The following MREG variants were observed in gnomAD, a reference collection of about 807,000 sequenced individuals.
The protein encoded by MREG is melanoregulin.
In MREG, 31 loss-of-function variants were observed where a neutral mutation model predicts 28.5. The observed-to-expected ratio is 1.09, with a 90% CI of 0.82 to 1.47. The LOEUF is 1.47. Among genes scored for constraint, MREG ranks in the 40% most tolerant of loss-of-function variants. The pLI is 0.00. For synonymous variants in MREG, 106 were observed against 95.2 expected (o/e 1.11, Z -0.66); for missense variants, 256 against 257.4 (o/e 0.99, Z 0.04).
At chr2:215,992,249 A>G (rs1036897472) in intron 2 of MREG, among the ~76,000 whole-genome samples, 2 of 152,256 alleles carry the variant, frequency 1.3e-5, no homozygotes, top group African/African-American at 4.8e-5. Context: ...AACATATGCA[A>G]ATCAATAAAC....
At chr2:216,000,282 G>C (rs553384278) in intron 1 of MREG, among the ~76,000 whole-genome samples, 60 of 148,030 alleles carry the variant, frequency 4.1e-4, no homozygotes, top group Non-Finnish European at 6.8e-4. Context: ...TCCTGGGTGG[G>C]GATCTCGGAG....
chr2:215,984,445 G>C (rs538967193), intron 2 of MREG, among the ~76,000 whole-genome samples: 50 of 147,458 alleles, frequency 3.4e-4, no homozygotes, highest in African/African-American at 1.2e-3. Flanking sequence ...TGGAGCCCAG[G>C]AGGTCGAGGC....
At chr2:216,026,259 C>T (rs75279134) in intron 1 of MREG, among the ~76,000 whole-genome samples, 2 of 152,156 alleles carry the variant, frequency 1.3e-5, no homozygotes, top group Non-Finnish European at 2.9e-5. Flanking sequence ...ATGATGAAAA[C>T]GTTTTGAAAC....
At chr2:215,963,996 A>G (rs900476115) in intron 2 of MREG, among the ~76,000 whole-genome samples, 4 of 152,210 alleles carry the variant, frequency 2.6e-5, no homozygotes, top group Non-Finnish European at 5.9e-5. Flanking sequence ...TTTCACACCC[A>G]TAATCTCACT....
chr2:216,009,535 T>A (rs562832649), intron 1 of MREG, among the ~76,000 whole-genome samples: 1 of 152,252 alleles, frequency 6.6e-6, no homozygotes, highest in South Asian at 2.1e-4. Context: ...TACATGGCAG[T>A]AGGCTCCATG....
intron 1 of MREG, among the ~76,000 whole-genome samples, chr2:216,019,374 G>T (rs547838101): frequency 5.3e-5 from 8 of 152,214 alleles, no homozygotes; most frequent in African/African-American, 1.9e-4. Context: ...GATTTAGTCA[G>T]GTGAGATTTT....
chr2:216,013,217 C>T lies in MREG; in HGVS notation c.95+16G>A, dbSNP rs549057404. ...GCCCAGGTAAGCCCAGATCCCGGCC[C>T]GGGCGGCGCACCCACCTGACGAGGG... On this transcript the variant is annotated intron_variant, in intron 1 of 4. Coordinates refer to ENST00000263268, the MANE Select transcript of MREG (RefSeq NM_018000.3). 1.9e-4 allele frequency: 295 copies of T among 1,547,884 alleles called. No homozygotes were observed. Among genetic ancestry groups the T allele is most frequent in the Admixed American group, 4.1e-4 (21 of 50,976 alleles).
chr2:215,995,265 C>G (rs907706362), intron 2 of MREG, among the ~76,000 whole-genome samples: 3 of 152,154 alleles, frequency 2.0e-5, no homozygotes, highest in Non-Finnish European at 4.4e-5. Flanking sequence ...CCCAGTCCAC[C>G]CTTCCCCAGG....
chr2:216,024,600 G>T (rs1357517893), intron 1 of MREG, among the ~76,000 whole-genome samples: 2 of 152,122 alleles, frequency 1.3e-5, no homozygotes, highest in Non-Finnish European at 2.9e-5. Flanking sequence ...TTGGCTGGGT[G>T]TGGTGGCTCA....
chr2:215,995,467 C>T (rs781289309), intron 2 of MREG, among the ~76,000 whole-genome samples: 3 of 151,870 alleles, frequency 2.0e-5, no homozygotes, highest in Non-Finnish European at 2.9e-5. Flanking sequence ...AAAGAAACCT[C>T]GTTAAGGAAA....
intron 2 of MREG, among the ~76,000 whole-genome samples, chr2:215,952,408 A>G (rs936788784): frequency 2.6e-5 from 4 of 152,186 alleles, no homozygotes; most frequent in African/African-American, 4.8e-5. Context: ...TCACCACACA[A>G]TGTATATGTA....
chr2:215,968,461 A>T (rs1232742761), intron 2 of MREG, among the ~76,000 whole-genome samples: 1 of 152,186 alleles, frequency 6.6e-6, no homozygotes, highest in Admixed American at 6.5e-5. Context: ...CCCAAAGCTC[A>T]TGGGACAGCT....
At chr2:215,954,445 A>AACACAC (rs3078454) in intron 2 of MREG, among the ~76,000 whole-genome samples, 6,795 of 136,396 alleles carry the variant, frequency 0.05, 202 homozygotes, top group African/African-American at 0.095. Flanking sequence ...ATCTGTGTAC[A>AACACAC]ACACACACAC....
chr2:216,019,606 A>G (rs1477100225), intron 1 of MREG, among the ~76,000 whole-genome samples: 1 of 150,972 alleles, frequency 6.6e-6, no homozygotes, highest in East Asian at 1.9e-4. Flanking sequence ...CAGGGTTCAC[A>G]CCATTATCCT....
intron 2 of MREG, among the ~76,000 whole-genome samples, chr2:215,949,764 A>G (rs1692438173): frequency 6.6e-6 from 1 of 152,114 alleles, no homozygotes; most frequent in South Asian, 2.1e-4. Context: ...ATCCATTTCC[A>G]CTTGTGCCTG....
At chr2:215,962,190 G>GA (rs200857348) in intron 2 of MREG, among the ~76,000 whole-genome samples, 5,597 of 152,280 alleles carry the variant, frequency 0.037, 150 homozygotes, top group Middle Eastern at 0.065. Flanking sequence ...AGAGGCCCCT[G>GA]ACCTAATTCT....
Position 215,944,139 on chromosome 2 carries a change from C to A in MREG, c.*724G>T. Reference sequence around the variant, plus strand: ...GGATTACAAGCGCGTGCCATCACACCTGGCTAATTTTTGTATTTTTAGTAG... The same window carrying A: ...GGATTACAAGCGCGTGCCATCACACATGGCTAATTTTTGTATTTTTAGTAG... On this transcript the variant is annotated 3_prime_UTR_variant, in exon 5 of 5. Transcript: ENST00000263268. 6.6e-6 allele frequency: 1 copy of A among 151,974 alleles called. No individual in the cohort carries two copies. Among genetic ancestry groups the A allele is most frequent in the African/African-American group, 2.4e-5 (1 of 41,482 alleles). The allele number at this position is 151,974 out of a possible 1,614,324, so 9.4% of individuals were successfully genotyped here. A position where few individuals can be genotyped will look rare whatever the true frequency, so the allele number is the denominator to read the frequency against.
At chr2:215,964,231 C>T (rs981577683) in intron 2 of MREG, among the ~76,000 whole-genome samples, 1 of 152,126 alleles carries the variant, frequency 6.6e-6, no homozygotes, top group Admixed American at 6.5e-5. Context: ...CACCTGTAAT[C>T]TCAGCACTTT....
At chr2:215,989,303 CCTGA>C (rs147234814) in intron 2 of MREG, among the ~76,000 whole-genome samples, 1,777 of 152,262 alleles carry the variant, frequency 0.012, 37 homozygotes, top group African/African-American at 0.04. Context: ...AGCAGAGAGG[CCTGA>C]CTGTTAGAAG....
Sources: gnomAD v4.1 joint callset for allele counts (sites outside exome capture counted in the v4.1 genomes callset) on GRCh38, gnomAD v4.1.1 for gene constraint, MANE v1.5 for transcripts, NCBI Gene and HGNC (gene_info 2026-07-23, HGNC 2026-07-21) for gene names.